The following MCTP1 variants were observed in gnomAD, a reference collection of about 807,000 sequenced individuals.
MCTP1 encodes the protein multiple C2 and transmembrane domain containing 1, also known as multiple C2 and transmembrane domain-containing protein 1.
MCTP1 carries 69 observed loss-of-function variants against 120.6 expected under a neutral mutation model. The observed-to-expected ratio is 0.57, with a 90% CI of 0.47 to 0.70. The LOEUF is 0.70. MCTP1 is among the 30% of genes least tolerant of loss of function. The probability of loss-of-function intolerance (pLI) is 0.00; values close to 1 mark genes in which losing one functional copy is unlikely to be tolerated. For missense variants in MCTP1, 1,203 were observed against 1,248.8 expected, an observed-to-expected ratio of 0.96 and a Z score of 0.55; for synonymous variants, 529 against 493.1, an observed-to-expected ratio of 1.07 and a Z score of -0.96.
intron 1 of MCTP1, among the ~76,000 whole-genome samples, chr5:95,061,236 G>A (rs983056523): frequency 1.3e-5 from 2 of 150,330 alleles, no homozygotes; most frequent in Admixed American, 6.6e-5. Context: ...AACACACAGA[G>A]GGAATAACTA....
intron 19 of MCTP1, among the ~76,000 whole-genome samples, chr5:94,743,813 A>G (rs1399412663): frequency 2.0e-5 from 3 of 150,176 alleles, no homozygotes; most frequent in South Asian, 2.1e-4. Flanking sequence ...AATTTTTTGT[A>G]TATTTTTAGT....
At chr5:94,738,007 T>C (rs771514236) in intron 19 of MCTP1, among the ~76,000 whole-genome samples, 14 of 152,208 alleles carry the variant, frequency 9.2e-5, no homozygotes, top group Non-Finnish European at 1.8e-4. Context: ...ACTAGCTAAA[T>C]GCCATTCATC....
chr5:95,175,201 A>G (rs908217883), intron 1 of MCTP1, among the ~76,000 whole-genome samples: 2 of 152,244 alleles, frequency 1.3e-5, no homozygotes, highest in African/African-American at 4.8e-5. Context: ...CAATTCATTA[A>G]TCAATGTTGA....
chr5:95,150,018 G>T (rs931962282), intron 1 of MCTP1, among the ~76,000 whole-genome samples: 1 of 151,982 alleles, frequency 6.6e-6, no homozygotes, highest in African/African-American at 2.4e-5. Flanking sequence ...GTCCTGATAT[G>T]GTTTCTTAGA....
chr5:94,973,426 C>A (rs1311338720), intron 2 of MCTP1, among the ~76,000 whole-genome samples: 4 of 152,180 alleles, frequency 2.6e-5, no homozygotes, highest in African/African-American at 9.7e-5. Flanking sequence ...ATTATTAATT[C>A]TGTGCCATTA....
intron 1 of MCTP1, among the ~76,000 whole-genome samples, chr5:95,047,589 A>G (rs758075461): frequency 6.6e-6 from 1 of 152,194 alleles, no homozygotes; most frequent in Non-Finnish European, 1.5e-5. Flanking sequence ...ATAATAAAGA[A>G]GATGAAAGGC....
intron 1 of MCTP1, 63 bp from the exon 2 acceptor site, chr5:95,017,547 G>A: frequency 9.0e-7 from 1 of 1,115,120 alleles, no homozygotes; most frequent in Non-Finnish European, 1.3e-6. Context: ...TCTCTAAAGG[G>A]GGACCATATA....
At chr5:94,850,886 G>A (rs1440808497) in intron 17 of MCTP1, among the ~76,000 whole-genome samples, 2 of 152,092 alleles carry the variant, frequency 1.3e-5, no homozygotes, top group African/African-American at 4.8e-5. Context: ...CAAACCTTGT[G>A]GGGGAAGGGT....
intron 1 of MCTP1, among the ~76,000 whole-genome samples, chr5:95,205,467 G>A (rs1005824167): frequency 6.6e-6 from 1 of 151,948 alleles, no homozygotes; most frequent in Non-Finnish European, 1.5e-5. Flanking sequence ...AGCACAGCAA[G>A]AAAAGAAAAA....
At chr5:95,183,199 T>C (rs745919337) in intron 1 of MCTP1, among the ~76,000 whole-genome samples, 2 of 152,018 alleles carry the variant, frequency 1.3e-5, no homozygotes, top group African/African-American at 4.8e-5. Flanking sequence ...GAGAAATGGA[T>C]AGTGGTCTCA....
At position 94,968,341 on chromosome 5, in the gene MCTP1, G is replaced by A. The variant is rs190121719; in HGVS notation, c.839-14980C>T. Among the ~76,000 whole-genome samples the A allele has an allele frequency of 2.0e-3, 312 of 152,228 alleles. 1 individual carries two copies. Among genetic ancestry groups the A allele is most frequent in the African/African-American group, 7.0e-3 (291 of 41,534 alleles). On this transcript the variant is annotated intron_variant, in intron 2 of 22. Transcript: ENST00000515393. ...GACTTTCCAAGAAGGAGGCTTGACAGGCATCACTTACTAAGTTTTTTTGAC... is the reference window on the plus strand; with the variant it reads ...GACTTTCCAAGAAGGAGGCTTGACAAGCATCACTTACTAAGTTTTTTTGAC...
chr5:95,148,355 G>T (rs1041886925), intron 1 of MCTP1, among the ~76,000 whole-genome samples: 7 of 152,016 alleles, frequency 4.6e-5, no homozygotes, highest in Non-Finnish European at 8.8e-5. Context: ...CATAGATTTG[G>T]TCTCTTTATA....
chr5:94,805,108 C>T (rs930560659), intron 17 of MCTP1, among the ~76,000 whole-genome samples: 5 of 152,040 alleles, frequency 3.3e-5, no homozygotes, highest in East Asian at 1.9e-4. Flanking sequence ...AAAGCTTGTT[C>T]GGAATTAGCA....
intron 2 of MCTP1, among the ~76,000 whole-genome samples, chr5:95,010,675 A>G (rs1276969742): frequency 1.3e-5 from 2 of 152,144 alleles, no homozygotes; most frequent in African/African-American, 4.8e-5. Context: ...ACACTTCTGG[A>G]TGTTCTTCAT....
At chr5:95,227,280 A>G (rs1242400240) in intron 1 of MCTP1, among the ~76,000 whole-genome samples, 1 of 152,214 alleles carries the variant, frequency 6.6e-6, no homozygotes, top group Non-Finnish European at 1.5e-5. Flanking sequence ...TGACTGTTTA[A>G]TCACAACACC....
chr5:94,910,151 T>C (rs1393277039), intron 9 of MCTP1, among the ~76,000 whole-genome samples: 1 of 151,610 alleles, frequency 6.6e-6, no homozygotes, highest in African/African-American at 2.4e-5. Flanking sequence ...TATGAGTATA[T>C]ACATATGTAT....
Position 94,706,601 on chromosome 5 carries a change from T to C in MCTP1, c.*895A>G, listed in dbSNP as rs1754692736. 1 of 148,492 alleles carries C rather than the reference T, an allele frequency of 6.7e-6. No individual in the cohort carries two copies. The highest frequency in any genetic ancestry group is 1.5e-5 in the Non-Finnish European group (1 of 67,200). 9.2% of individuals were successfully genotyped at this position (148,492 alleles called of 1,614,324 possible). A position where few individuals can be genotyped will look rare whatever the true frequency, so the allele number is the denominator to read the frequency against. On this transcript the variant is annotated 3_prime_UTR_variant, in exon 23 of 23. Transcript: ENST00000515393. ...AGGTTTTTTTTTTCTCTGAGAGCACTTGAGTATTTATTAAAATATTTTTAG... is the reference window on the plus strand; with the variant it reads ...AGGTTTTTTTTTTCTCTGAGAGCACCTGAGTATTTATTAAAATATTTTTAG...
intron 19 of MCTP1, among the ~76,000 whole-genome samples, chr5:94,769,585 G>C (rs998125076): frequency 6.6e-6 from 1 of 151,978 alleles, no homozygotes; most frequent in Non-Finnish European, 1.5e-5. Context: ...AAAAATTACA[G>C]AACTTCTTGT....
intron 1 of MCTP1, among the ~76,000 whole-genome samples, chr5:95,138,915 G>A (rs747919307): frequency 7.9e-5 from 12 of 152,032 alleles, no homozygotes; most frequent in Admixed American, 2.6e-4. Flanking sequence ...CTGATGTGTC[G>A]AATTTGTCAC....
Sources: gnomAD v4.1 joint callset for allele counts (sites outside exome capture counted in the v4.1 genomes callset) on GRCh38, gnomAD v4.1.1 for gene constraint, MANE v1.5 for transcripts, NCBI Gene and HGNC (gene_info 2026-07-23, HGNC 2026-07-21) for gene names.